CDH23: variants seen among roughly 807,000 people sequenced by gnomAD.
CDH23 encodes the protein cadherin-23.
CDH23 carries 189 observed loss-of-function variants against 317.1 expected under a neutral mutation model. The ratio of observed to expected loss-of-function variants is 0.60; its 90% CI spans 0.53 to 0.67. CDH23 has a LOEUF of 0.67. Among genes scored for constraint, CDH23 ranks in the 30% least tolerant of loss-of-function variants. The pLI is 0.00. For missense variants in CDH23, 4,401 were observed against 4,592.4 expected (o/e 0.96, Z 1.20); for synonymous variants, 1,839 against 1,876.8 (o/e 0.98, Z 0.52).
intron 6 of CDH23, among the ~76,000 whole-genome samples, chr10:71,534,307 C>T (rs1312206224): frequency 6.6e-6 from 1 of 152,074 alleles, no homozygotes; most frequent in Non-Finnish European, 1.5e-5. Flanking sequence ...CCACAGAGCA[C>T]CTGTCCTGAT....
chr10:71,815,236 C>T lies in CDH23; in HGVS notation c.10023C>T (p.Arg3341=), dbSNP rs774526082. 2.5e-6 allele frequency: 4 copies of T among 1,592,830 alleles called. No homozygotes were observed. In the South Asian group the frequency reaches 3.3e-5, roughly 13 times the overall value. The change falls in exon 70 of 70, where the codon CGC becomes CGT. Residue 3341 remains arginine (R), a synonymous_variant. Transcript: ENST00000224721. ...AATCCACACCCCTGCACAAACTTCG[C>T]GACGTGATCATGGAGACCCCCCTGG... ...SAKSTPLHKL[R]DVIMETPLEI... is the part of the protein sequence containing the mutation.
intron 6 of CDH23, among the ~76,000 whole-genome samples, chr10:71,533,937 ACC>A (rs1491376605): frequency 6.6e-6 from 1 of 150,536 alleles, no homozygotes; most frequent in African/African-American, 2.5e-5. Flanking sequence ...AGGTTTCAAA[ACC>A]AGCACCTTTG....
chr10:71,807,749 A>G lies in CDH23; in HGVS notation c.8542A>G (p.Lys2848Glu). 6.2e-7 allele frequency: 1 copy of G among 1,604,624 alleles called. No individual in the cohort carries two copies. Among genetic ancestry groups the G allele is most frequent in the Non-Finnish European group, 8.5e-7 (1 of 1,175,562 alleles). Residue 2848 changes from lysine to glutamate, a missense_variant, in exon 59 of 70, where the codon AAG (lysine) becomes GAG (glutamate). Physicochemically the swap from Lys to Glu is moderately conservative, Grantham distance 56. Coordinates refer to ENST00000224721, the MANE Select transcript of CDH23 (RefSeq NM_022124.6). ...DINDQPPRFT[K>E]AEYTAGVATD... Reference sequence around the variant, plus strand: ...CAACGACCAGCCACCACGCTTCACCAAGGCTGAGTACACTGCAGGTGCAGG... The same window carrying G: ...CAACGACCAGCCACCACGCTTCACCGAGGCTGAGTACACTGCAGGTGCAGG...
chr10:71,809,864 T>C lies in CDH23; in HGVS notation c.8767T>C (p.Tyr2923His). ...ILRTFDLFMAYSPGYFVVDIV... is the reference protein window; with the variant it reads ...ILRTFDLFMAHSPGYFVVDIV... Reference sequence around the variant, plus strand: ...GCGCACCTTCGACCTCTTCATGGCCTACAGCCCCGGCTACTTCGTGGTGGA... The same window carrying C: ...GCGCACCTTCGACCTCTTCATGGCCCACAGCCCCGGCTACTTCGTGGTGGA... The change falls in exon 61 of 70, where the codon TAC becomes CAC. Residue 2923 changes from tyrosine (Y) to histidine (H), a missense_variant. Tyr to His is a moderately conservative substitution (Grantham distance 83). Around this residue, in one of 3 missense-constraint regions of CDH23, gnomAD observed 1,144 missense variants for 1,138.2 expected, o/e 1.01. Transcript: ENST00000224721. 6.2e-7 allele frequency: 1 copy of C among 1,613,432 alleles called. No individual in the cohort carries two copies. Among genetic ancestry groups the C allele is most frequent in the East Asian group, 2.2e-5 (1 of 44,876 alleles).
intron 3 of CDH23, among the ~76,000 whole-genome samples, chr10:71,470,819 CT>C (rs1851471191): frequency 6.6e-6 from 1 of 152,152 alleles, no homozygotes; most frequent in Admixed American, 6.5e-5. Context: ...CATTCTAATA[CT>C]TATGTGATAG....
At chr10:71,784,199 G>T (rs1841034086) in intron 41 of CDH23, 88 bp from the exon 42 acceptor site, 2 of 1,440,768 alleles carry the variant, frequency 1.4e-6, no homozygotes. Flanking sequence ...GACGAGTGAG[G>T]CTTGCTAGAG....
At chr10:71,699,557 G>A (rs545937825) in intron 22 of CDH23, among the ~76,000 whole-genome samples, 9 of 152,328 alleles carry the variant, frequency 5.9e-5, no homozygotes, top group Admixed American at 2.0e-4. Context: ...CGGAGTGGCC[G>A]TCTCTCTGTC....
At chr10:71,613,688 A>T (rs1473537451) in intron 9 of CDH23, among the ~76,000 whole-genome samples, 1 of 152,328 alleles carries the variant, frequency 6.6e-6, no homozygotes, top group South Asian at 2.1e-4. Flanking sequence ...CTTTTTCCCT[A>T]GTTAATCCAA....
chr10:71,492,348 A>G (rs890609644), intron 3 of CDH23, among the ~76,000 whole-genome samples: 1 of 152,200 alleles, frequency 6.6e-6, no homozygotes, highest in African/African-American at 2.4e-5. Context: ...ATTCCAATGG[A>G]AAGAGGACAT....
At chr10:71,512,064 C>G (rs1482923324) in intron 6 of CDH23, 1 of 152,240 alleles carries the variant, frequency 6.6e-6, no homozygotes, top group African/African-American at 2.4e-5. Flanking sequence ...ACTCCTTGAT[C>G]CAATGACTGA....
intron 6 of CDH23, among the ~76,000 whole-genome samples, chr10:71,552,620 A>G (rs7903757): frequency 0.35 from 53,610 of 152,080 alleles, 9,849 homozygotes; most frequent in East Asian, 0.61. Flanking sequence ...CAGAGCAAAG[A>G]GGCTGGCTTG....
chr10:71,466,689 T>C (rs1411691446), intron 3 of CDH23, among the ~76,000 whole-genome samples: 1 of 151,830 alleles, frequency 6.6e-6, no homozygotes, highest in Admixed American at 6.6e-5. Context: ...TTGTCCACAT[T>C]TGTGTGTGTG....
intron 44 of CDH23, among the ~76,000 whole-genome samples, chr10:71,786,165 C>T (rs143719326): frequency 5.3e-5 from 8 of 152,302 alleles, no homozygotes; most frequent in African/African-American, 1.9e-4. Flanking sequence ...CCTGGAAGGG[C>T]TGCGTTTTCC....
intron 1 of CDH23, among the ~76,000 whole-genome samples, chr10:71,400,921 C>T (rs1262899549): frequency 6.6e-6 from 1 of 152,158 alleles, no homozygotes; most frequent in Non-Finnish European, 1.5e-5. Flanking sequence ...ACCTAATTTC[C>T]CATTGAACTC....
At chr10:71,707,257 C>A in intron 26 of CDH23, 1 of 1,450,736 alleles carries the variant, frequency 6.9e-7, no homozygotes, top group South Asian at 1.4e-5. Flanking sequence ...TCTGGACTGG[C>A]TCCCTGGGGA....
At position 71,779,311 on chromosome 10, in the gene CDH23, C is replaced by A. The variant is rs745532771; in HGVS notation, c.5232C>A (p.Phe1744Leu). The stretch of plus-strand genomic sequence containing the variant: ...ACATCAACGACAATGTGCCTACCTT[C>A]CCCCGGGACTATGAGGGACCATTTG... ...VNDINDNVPT[F>L]PRDYEGPFEV... Residue 1744 changes from phenylalanine to leucine, a missense_variant, in exon 41 of 70, where the codon TTC becomes TTA. Around this residue, in one of 3 missense-constraint regions of CDH23, gnomAD observed 3,068 missense variants for 3,203.3 expected, o/e 0.96. Coordinates refer to ENST00000224721, the MANE Select transcript of CDH23 (RefSeq NM_022124.6). 4.3e-6 allele frequency: 7 copies of A among 1,613,902 alleles called. No homozygotes were observed. The highest frequency in any genetic ancestry group is 1.3e-5 in the African/African-American group (1 of 74,946).
At chr10:71,622,472 T>C (rs955824361) in intron 11 of CDH23, among the ~76,000 whole-genome samples, 5 of 152,130 alleles carry the variant, frequency 3.3e-5, no homozygotes, top group Non-Finnish European at 7.4e-5. Context: ...GGATTACCTC[T>C]GTGTGGCATC....
intron 38 of CDH23, among the ~76,000 whole-genome samples, chr10:71,774,486 A>G (rs921014578): frequency 2.0e-5 from 3 of 152,230 alleles, no homozygotes; most frequent in Non-Finnish European, 4.4e-5. Flanking sequence ...AGCCTGAGAT[A>G]ACCAGCAGTT....
chr10:71,590,897 C>CA (rs1242410489), intron 9 of CDH23, among the ~76,000 whole-genome samples: 12 of 72,232 alleles, frequency 1.7e-4, no homozygotes, highest in East Asian at 5.4e-4. Flanking sequence ...CAAAAAAAAA[C>CA]AAAAAAAAAC....
Sources: allele counts gnomAD v4.1 joint callset (sites outside exome capture counted in the v4.1 genomes callset), GRCh38; gene constraint gnomAD v4.1.1; regional missense constraint gnomAD v4.1.1; transcripts MANE v1.5; gene names NCBI Gene and HGNC (gene_info 2026-07-23, HGNC 2026-07-21).